TYW1B: variants seen among roughly 807,000 people sequenced by gnomAD.
TYW1B encodes S-adenosyl-L-methionine-dependent tRNA 4-demethylwyosine synthase TYW1B.
A neutral mutation model predicts 86.9 loss-of-function variants in TYW1B; 73 were observed. The observed-to-expected ratio is 0.84, with a 90% CI of 0.70 to 1.02. The LOEUF is 1.02. Ranked by LOEUF, TYW1B falls within the 50% of genes least tolerant of loss-of-function variation. The pLI is 0.00. For missense variants in TYW1B, 637 were observed against 827.4 expected (o/e 0.77, Z 2.82); for synonymous variants, 248 against 292.8 (o/e 0.85, Z 1.56).
At chr7:72,793,229 C>T (rs1424046484) in intron 6 of TYW1B, among the ~76,000 whole-genome samples, 4 of 151,780 alleles carry the variant, frequency 2.6e-5, no homozygotes, top group Non-Finnish European at 1.5e-5. Context: ...CCCAGCTACT[C>T]GGGAGGCTGA....
At chr7:72,692,505 C>T (rs1420603120) in intron 11 of TYW1B, among the ~76,000 whole-genome samples, 2 of 151,898 alleles carry the variant, frequency 1.3e-5, no homozygotes, top group Non-Finnish European at 2.9e-5. Flanking sequence ...CAGAGCAAGA[C>T]CCAGTCTCCA....
At chr7:72,781,485 T>G (rs1367211503) in intron 6 of TYW1B, among the ~76,000 whole-genome samples, 3 of 152,136 alleles carry the variant, frequency 2.0e-5, no homozygotes, top group Non-Finnish European at 4.4e-5. Context: ...GGGAGACAGA[T>G]TTGAGTGTTT....
intron 10 of TYW1B, among the ~76,000 whole-genome samples, chr7:72,704,400 C>T (rs1330039785): frequency 1.4e-5 from 2 of 141,080 alleles, no homozygotes; most frequent in Non-Finnish European, 3.0e-5. Context: ...CACCACTGCA[C>T]TCCAGCATAG....
intron 12 of TYW1B, among the ~76,000 whole-genome samples, chr7:72,623,236 C>CA (rs1554438278): frequency 6.6e-6 from 1 of 152,052 alleles, no homozygotes; most frequent in African/African-American, 2.4e-5. Context: ...AACTTAATAA[C>CA]AAAAAGATAA....
intron 13 of TYW1B, among the ~76,000 whole-genome samples, chr7:72,611,383 T>G (rs1446071628): frequency 6.6e-6 from 1 of 152,102 alleles, no homozygotes; most frequent in Non-Finnish European, 1.5e-5. Context: ...TTCCCACGTA[T>G]TGTGGGAAGG....
intron 7 of TYW1B, among the ~76,000 whole-genome samples, chr7:72,747,055 A>T (rs1490426932): frequency 4.0e-5 from 6 of 151,894 alleles, no homozygotes; most frequent in Non-Finnish European, 7.4e-5. Flanking sequence ...TGGCCTATGG[A>T]TATCTAATTG....
intron 11 of TYW1B, among the ~76,000 whole-genome samples, chr7:72,677,234 G>A (rs1207031873): frequency 6.6e-6 from 1 of 151,880 alleles, no homozygotes; most frequent in Non-Finnish European, 1.5e-5. Flanking sequence ...CTGCAGCCTC[G>A]GCCTCTTGAG....
At chr7:72,766,625 A>C (rs1185496812) in intron 7 of TYW1B, among the ~76,000 whole-genome samples, 12 of 142,038 alleles carry the variant, frequency 8.4e-5, no homozygotes, top group Non-Finnish European at 1.8e-4. Flanking sequence ...AAAAAAAAAA[A>C]AAAAAAAACA....
intron 3 of TYW1B, among the ~76,000 whole-genome samples, chr7:72,812,883 G>C (rs1554478651): frequency 1.3e-5 from 2 of 151,824 alleles, no homozygotes; most frequent in African/African-American, 2.4e-5. Flanking sequence ...ATAGAGACAG[G>C]GTTTCACCAC....
rs1554428085 is a variant in TYW1B at position 72,574,591 on chromosome 7, T to C, written c.*907A>G. ...AGAATTTGCTAACTTGAAAACAATT[T>C]TGAGTATTTATGATCTTTCCAACTT... is the stretch of plus-strand genomic sequence containing the variant. On this transcript the variant is annotated 3_prime_UTR_variant, in exon 14 of 14. Coordinates refer to ENST00000620995, the MANE Select transcript of TYW1B (RefSeq NM_001145440.3). The C allele has an allele frequency of 3.0e-6, 3 of 985,360 alleles. No individual in the cohort carries two copies. The highest frequency in any genetic ancestry group is 9.4e-5 in the South Asian group (2 of 21,274). The allele number at this position is 985,360 out of a possible 1,614,324, so 61.0% of individuals were successfully genotyped here.
chr7:72,602,258 C>A (rs1159426246), intron 13 of TYW1B, among the ~76,000 whole-genome samples: 1 of 152,026 alleles, frequency 6.6e-6, no homozygotes, highest in Non-Finnish European at 1.5e-5. Flanking sequence ...ACAACTCCAG[C>A]GCCGCTATAT....
intron 11 of TYW1B, among the ~76,000 whole-genome samples, chr7:72,672,692 T>C (rs1283308287): frequency 6.6e-6 from 1 of 152,164 alleles, no homozygotes; most frequent in Non-Finnish European, 1.5e-5. Flanking sequence ...ACAGTAACTG[T>C]AGATTTTGGT....
intron 13 of TYW1B, among the ~76,000 whole-genome samples, chr7:72,614,263 C>T (rs539505771): frequency 6.6e-6 from 1 of 152,128 alleles, no homozygotes; most frequent in Admixed American, 6.5e-5. Flanking sequence ...GGCTTAAATC[C>T]CATTTCTACT....
At chr7:72,661,105 A>G (rs868972437) in intron 11 of TYW1B, among the ~76,000 whole-genome samples, 3 of 151,686 alleles carry the variant, frequency 2.0e-5, no homozygotes, top group Middle Eastern at 6.8e-3. Context: ...ACTACACTTC[A>G]GTCTGGACAT....
At chr7:72,806,741 C>T (rs1316256571) in intron 5 of TYW1B, among the ~76,000 whole-genome samples, 1 of 151,938 alleles carries the variant, frequency 6.6e-6, no homozygotes, top group Non-Finnish European at 1.5e-5. Context: ...GTCTCAAATT[C>T]CTGGGCTCAA....
chr7:72,658,893 G>A (rs559337487), intron 11 of TYW1B, among the ~76,000 whole-genome samples: 1 of 152,088 alleles, frequency 6.6e-6, no homozygotes, highest in Non-Finnish European at 1.5e-5. Flanking sequence ...GCTAATTTTT[G>A]TATTTTTAGT....
intron 6 of TYW1B, among the ~76,000 whole-genome samples, chr7:72,794,681 G>A (rs1788276756): frequency 6.6e-6 from 1 of 152,162 alleles, no homozygotes; most frequent in Non-Finnish European, 1.5e-5. Context: ...ACTTGCCAGG[G>A]AGATGGTCAT....
At chr7:72,635,351 A>G (rs1400337295) in intron 11 of TYW1B, among the ~76,000 whole-genome samples, 3 of 152,198 alleles carry the variant, frequency 2.0e-5, no homozygotes, top group Admixed American at 6.5e-5. Flanking sequence ...TTGATATCCA[A>G]TAGAGACGGT....
intron 11 of TYW1B, among the ~76,000 whole-genome samples, chr7:72,680,293 A>T (rs1255250262): frequency 6.6e-6 from 1 of 152,098 alleles, no homozygotes; most frequent in African/African-American, 2.4e-5. Context: ...TCTACCCCTC[A>T]GTCTGGGTGG....
Sources: gnomAD v4.1 joint callset for allele counts (sites outside exome capture counted in the v4.1 genomes callset) on GRCh38, gnomAD v4.1.1 for gene constraint, MANE v1.5 for transcripts, NCBI Gene and HGNC (gene_info 2026-07-23, HGNC 2026-07-21) for gene names.